Variants in PROSER3 observed in about 807,000 individuals in gnomAD.
PROSER3 encodes the protein proline and serine rich 3, also known as proline and serine-rich protein 3.
Under a neutral mutation model 50.2 loss-of-function variants are expected in PROSER3, and 33 were observed. That is an observed-to-expected ratio of 0.66 (90% CI 0.50 to 0.88). PROSER3 has a LOEUF of 0.88. PROSER3 is among the 40% of genes least tolerant of loss of function. The pLI is 0.00. For synonymous variants in PROSER3, 266 were observed against 259.3 expected, an observed-to-expected ratio of 1.03 and a Z score of -0.25; for missense variants, 623 against 612.7, an observed-to-expected ratio of 1.02 and a Z score of -0.18.
chr19:35,760,657 G>A (rs1970927958), intron 3 of PROSER3, among the ~76,000 whole-genome samples: 1 of 151,712 alleles, frequency 6.6e-6, no homozygotes, highest in African/African-American at 2.4e-5. Context: ...GGTTAATTTT[G>A]TGTATTTTTA....
chr19:35,762,578 G>C, intron 5 of PROSER3: 2 of 516,258 alleles, frequency 3.9e-6, no homozygotes, highest in Non-Finnish European at 3.5e-6. Flanking sequence ...GAGAGAGAGA[G>C]AACCAGGTGT....
intron 5 of PROSER3, chr19:35,762,560 A>T (rs1395955986): frequency 1.8e-5 from 9 of 505,526 alleles, no homozygotes; most frequent in Non-Finnish European, 3.2e-5. Flanking sequence ...AAAAAAAAAA[A>T]AAAGAGAGAG....
At chr19:35,763,015 C>G (rs1971010508) in intron 5 of PROSER3, 1 of 138,564 alleles carries the variant, frequency 7.2e-6, no homozygotes, top group African/African-American at 2.7e-5. Context: ...CTGGCGACAG[C>G]AAGACTCCAT....
chr19:35,761,479 C>T (rs1307369187), intron 3 of PROSER3, among the ~76,000 whole-genome samples: 1 of 152,140 alleles, frequency 6.6e-6, no homozygotes, highest in East Asian at 1.9e-4. Flanking sequence ...TGAGACCAGC[C>T]TGACCAACAT....
intron 5 of PROSER3, among the ~76,000 whole-genome samples, chr19:35,763,294 C>T (rs982506422): frequency 5.9e-5 from 9 of 151,664 alleles, no homozygotes; most frequent in Middle Eastern, 3.4e-3. Context: ...CTCCGCCTCT[C>T]GGGGTCAAGC....
At chr19:35,759,797 C>G (rs1970894332) in exon 3 of PROSER3, 1 of 1,561,302 alleles carries the variant, frequency 6.4e-7, no homozygotes, top group African/African-American at 1.4e-5. Flanking sequence ...AGACCCTGAG[C>G]CCATCCAGGT....
At chr19:35,768,376 A>AG in intron 10 of PROSER3, 28 bp from the exon 11 acceptor site, 1 of 1,589,858 alleles carries the variant, frequency 6.3e-7, no homozygotes, top group Non-Finnish European at 8.5e-7. Context: ...CACATACCCC[A>AG]GCCTCTGCTC....
chr19:35,765,045 TCTC>T (rs761275375), exon 7 of PROSER3: 17 of 1,610,450 alleles, frequency 1.1e-5, no homozygotes, highest in Admixed American at 3.3e-5. Context: ...AAAGCCTCCA[TCTC>T]CTCCTCCTCC....
chr19:35,767,826 C>G, exon 9 of PROSER3: 1 of 1,613,192 alleles, frequency 6.2e-7, no homozygotes, highest in Non-Finnish European at 8.5e-7. Flanking sequence ...AAAGCCAAGG[C>G]CTTGCCGCCC....
exon 11 of PROSER3, chr19:35,768,593 A>G (rs759847921): frequency 2.3e-5 from 33 of 1,433,114 alleles, no homozygotes; most frequent in Non-Finnish European, 2.2e-5. Context: ...TTTTTTTTTC[A>G]TACAGTTACT....
chr19:35,766,258 A>C (rs1971138071), intron 7 of PROSER3, among the ~76,000 whole-genome samples: 1 of 152,150 alleles, frequency 6.6e-6, no homozygotes, highest in African/African-American at 2.4e-5. Context: ...TATTTGTTGA[A>C]TGAAACCAGG....
intron 7 of PROSER3, 86 bp downstream of exon 7, chr19:35,765,262 C>T: frequency 6.9e-7 from 1 of 1,445,058 alleles, no homozygotes; most frequent in East Asian, 2.4e-5. Flanking sequence ...TTGGGCCTCT[C>T]TGGGCCTTGT....
At chr19:35,760,313 G>C (rs961980928) in intron 3 of PROSER3, among the ~76,000 whole-genome samples, 3 of 152,008 alleles carry the variant, frequency 2.0e-5, no homozygotes, top group Non-Finnish European at 4.4e-5. Flanking sequence ...AAACTCCTGG[G>C]CTCAAGCCGT....
At chr19:35,759,536 A>G in intron 2 of PROSER3, 66 bp downstream of exon 2, 1 of 1,406,744 alleles carries the variant, frequency 7.1e-7, no homozygotes, top group South Asian at 1.2e-5. Flanking sequence ...TTTAGAGGGT[A>G]GGAAGACATG....
intron 5 of PROSER3, among the ~76,000 whole-genome samples, chr19:35,764,133 T>C (rs1486736692): frequency 6.6e-6 from 1 of 151,874 alleles, no homozygotes; most frequent in African/African-American, 2.4e-5. Flanking sequence ...GGCTTTCCCC[T>C]CACAATAGCC....
At chr19:35,766,952 G>C (rs1308973647) in exon 8 of PROSER3, 2 of 1,549,408 alleles carry the variant, frequency 1.3e-6, no homozygotes, top group Non-Finnish European at 1.7e-6. Context: ...CCCTCCGCAC[G>C]TTGGTGAGCC....
At chr19:35,758,442 G>A in intron 1 of PROSER3, 1 of 489,152 alleles carries the variant, frequency 2.0e-6, no homozygotes, top group Non-Finnish European at 3.5e-6. Flanking sequence ...CTCTCTGAGT[G>A]GGCCCCAAGG....
intron 10 of PROSER3, 62 bp from the exon 11 acceptor site, chr19:35,768,342 A>G (rs1971242292): frequency 4.4e-6 from 7 of 1,581,882 alleles, no homozygotes; most frequent in Non-Finnish European, 6.0e-6. Context: ...CAGTCCGTCC[A>G]CAGCCCCAGA....
intron 8 of PROSER3, chr19:35,767,615 C>A: frequency 1.5e-6 from 1 of 687,082 alleles, no homozygotes; most frequent in Non-Finnish European, 2.4e-6. Flanking sequence ...TGGCCAGGGA[C>A]CTGGCCCTCA....
Sources: gnomAD v4.1 joint callset for allele counts (sites outside exome capture counted in the v4.1 genomes callset) on GRCh38, gnomAD v4.1.1 for gene constraint, MANE v1.5 for transcripts, NCBI Gene and HGNC (gene_info 2026-07-23, HGNC 2026-07-21) for gene names.